Variants in LIN28B observed in about 807,000 individuals in gnomAD.
The protein encoded by LIN28B is lin-28 RNA binding posttranscriptional regulator B.
In LIN28B, 5 loss-of-function variants were observed where a neutral mutation model predicts 21.9. That is an observed-to-expected ratio of 0.23 (90% CI 0.12 to 0.48). The LOEUF is 0.48. Ranked by LOEUF, LIN28B falls within the 20% of genes least tolerant of loss-of-function variation. LIN28B has a pLI of 0.98. For missense variants in LIN28B, 245 were observed against 310.5 expected (o/e 0.79, Z 1.58); for synonymous variants, 109 against 111.3 (o/e 0.98, Z 0.13).
At chr6:105,058,116 G>T (rs1390232037) in intron 3 of LIN28B, 7 of 402,352 alleles carry the variant, frequency 1.7e-5, no homozygotes, top group Admixed American at 3.0e-5. Flanking sequence ...TCTGAGGAGG[G>T]TATGTGTTTA....
chr6:105,069,495 T>TGG (rs1385046091), intron 3 of LIN28B, among the ~76,000 whole-genome samples: 1 of 151,694 alleles, frequency 6.6e-6, no homozygotes, highest in Non-Finnish European at 1.5e-5. Flanking sequence ...AGAACCAAGG[T>TGG]GGGAGGATTA....
At chr6:105,050,494 C>T (rs1436508192) in intron 3 of LIN28B, among the ~76,000 whole-genome samples, 16 of 145,478 alleles carry the variant, frequency 1.1e-4, no homozygotes, top group Middle Eastern at 3.7e-3. Flanking sequence ...CCCAGCTACT[C>T]GGGAGGCTGA....
At chr6:104,954,145 T>C (rs1233225325), upstream of LIN28B, among the ~76,000 whole-genome samples, 1 of 152,310 alleles carries the variant, frequency 6.6e-6, no homozygotes, top group East Asian at 1.9e-4. Flanking sequence ...CTATAAAGTA[T>C]TTGGCTTTTG....
chr6:105,061,665 C>T (rs1346199889), intron 3 of LIN28B, among the ~76,000 whole-genome samples: 16 of 151,846 alleles, frequency 1.1e-4, no homozygotes, highest in Non-Finnish European at 1.3e-4. Context: ...CCAACAGCAA[C>T]CAAATGAAGT....
Position 105,081,796 on chromosome 6 carries a change from A to C in LIN28B, c.*3013A>C, listed in dbSNP as rs188448682. On this transcript the variant is annotated 3_prime_UTR_variant, in exon 4 of 4. Transcript: ENST00000345080. ...ATTCATGCTAGGCAAAGAGTTTAAA[A>C]GACGCCAATGTCCTTCATTTACTGT... is the stretch of plus-strand genomic sequence containing the variant. The C allele has an allele frequency of 6.5e-6, 1 of 152,780 alleles. No individual in the cohort carries two copies. The highest frequency in any genetic ancestry group is 1.9e-4 in the East Asian group (1 of 5,182). The allele number at this position is 152,780 out of a possible 1,614,324, so 9.5% of individuals were successfully genotyped here. A position where few individuals can be genotyped will look rare whatever the true frequency, so the allele number is the denominator to read the frequency against.
At chr6:105,025,437 T>C (rs565178601) in intron 2 of LIN28B, among the ~76,000 whole-genome samples, 1 of 152,322 alleles carries the variant, frequency 6.6e-6, no homozygotes, top group South Asian at 2.1e-4. Flanking sequence ...GTGAACATTG[T>C]TATTTTTACA....
intron 3 of LIN28B, among the ~76,000 whole-genome samples, chr6:105,063,988 A>C (rs933320555): frequency 1.3e-5 from 2 of 151,690 alleles, no homozygotes; most frequent in Non-Finnish European, 2.9e-5. Flanking sequence ...TTCAAGATAT[A>C]GGAAAAACAA....
upstream of LIN28B, among the ~76,000 whole-genome samples, chr6:104,952,894 C>A (rs1422847689): frequency 6.6e-6 from 1 of 152,130 alleles, no homozygotes; most frequent in Non-Finnish European, 1.5e-5. Context: ...AGCATTTTGC[C>A]TCCAGACAAG....
intron 2 of LIN28B, among the ~76,000 whole-genome samples, chr6:104,990,474 T>C (rs891280712): frequency 6.6e-6 from 1 of 152,116 alleles, no homozygotes; most frequent in Non-Finnish European, 1.5e-5. Flanking sequence ...ATTTAACTTT[T>C]CTGTTACCTT....
At chr6:105,046,253 G>A (rs1771758609) in intron 3 of LIN28B, among the ~76,000 whole-genome samples, 2 of 152,076 alleles carry the variant, frequency 1.3e-5, no homozygotes, top group South Asian at 2.1e-4. Context: ...ACCTATGAGT[G>A]AGAACATGCA....
intron 2 of LIN28B, 46 bp from the exon 3 acceptor site, chr6:105,026,252 A>T (rs1237590669): frequency 9.6e-7 from 1 of 1,042,350 alleles, no homozygotes; most frequent in Non-Finnish European, 1.4e-6. Flanking sequence ...AGCAATGATA[A>T]TTTTAATCTC....
chr6:104,937,880 G>C (rs1408533235), intron 2 of LIN28B, among the ~76,000 whole-genome samples: 1 of 151,750 alleles, frequency 6.6e-6, no homozygotes, highest in Non-Finnish European at 1.5e-5. Flanking sequence ...TTAAGAGTAA[G>C]AGCCTGTTCT....
At chr6:104,960,178 A>G (rs1271056285) in intron 2 of LIN28B, among the ~76,000 whole-genome samples, 2 of 152,158 alleles carry the variant, frequency 1.3e-5, no homozygotes, top group East Asian at 3.8e-4. Flanking sequence ...TTAAAAGGAC[A>G]GTATTAAATG....
At chr6:105,037,486 C>G (rs1471655596) in intron 3 of LIN28B, among the ~76,000 whole-genome samples, 2 of 147,908 alleles carry the variant, frequency 1.4e-5, no homozygotes, top group Non-Finnish European at 3.0e-5. Context: ...CTCTCCTCCC[C>G]CTCCTCCCCC....
At chr6:104,956,649 T>C (rs183109512), upstream of LIN28B, among the ~76,000 whole-genome samples, 117 of 152,312 alleles carry the variant, frequency 7.7e-4, no homozygotes, top group African/African-American at 2.5e-3. Flanking sequence ...TTGAATTAAA[T>C]ATGAAATTAG....
intron 1 of LIN28B, 105 bp from the exon 2 acceptor site, chr6:104,957,994 G>A: frequency 1.4e-6 from 1 of 718,156 alleles, no homozygotes; most frequent in Non-Finnish European, 2.0e-6. Flanking sequence ...TTTTTTTTCT[G>A]TTACCCTTCC....
At chr6:105,006,425 T>A (rs1582891481) in intron 2 of LIN28B, among the ~76,000 whole-genome samples, 1 of 151,986 alleles carries the variant, frequency 6.6e-6, no homozygotes, top group Non-Finnish European at 1.5e-5. Context: ...AATTCTCCTG[T>A]CTCAGCCTCC....
intron 2 of LIN28B, among the ~76,000 whole-genome samples, chr6:104,989,703 C>T (rs908845157): frequency 9.7e-6 from 1 of 102,864 alleles, no homozygotes; most frequent in African/African-American, 2.8e-5. Flanking sequence ...AAGCAATTCT[C>T]ATGCCTCAGC....
chr6:105,026,375 A>T lies in LIN28B; in HGVS notation c.276A>T (p.Lys92Asn), dbSNP rs1582904126. Residue 92 changes from lysine (K) to asparagine (N), a missense_variant, in exon 3 of 4, where the codon AAA (lysine) becomes AAT (asparagine). Lys to Asn is a moderately conservative substitution (Grantham distance 94). Transcript: ENST00000345080. ...AATTCACATTTAAAAAATCTTCCAA[A>T]GGCCTTGAGTCAATACGGGTAACAG... ...PVEFTFKKSS[K>N]GLESIRVTGP... 1 of 1,611,602 alleles carries T rather than the reference A, an allele frequency of 6.2e-7. No homozygotes were observed.
Sources: allele counts gnomAD v4.1 joint callset (sites outside exome capture counted in the v4.1 genomes callset), GRCh38; gene constraint gnomAD v4.1.1; transcripts MANE v1.5; gene names NCBI Gene and HGNC (gene_info 2026-07-23, HGNC 2026-07-21).